The following CDKAL1 variants were observed in gnomAD, a reference collection of about 807,000 sequenced individuals.
CDKAL1 encodes CDKAL1 threonylcarbamoyladenosine tRNA methylthiotransferase.
Under a neutral mutation model 68.2 loss-of-function variants are expected in CDKAL1, and 32 were observed. That is an observed-to-expected ratio of 0.47 (90% CI 0.35 to 0.63). CDKAL1 has a LOEUF of 0.63. Among genes scored for constraint, CDKAL1 ranks in the 30% least tolerant of loss-of-function variants. The pLI is 0.00. For missense variants in CDKAL1, 606 were observed against 696.7 expected (o/e 0.87, Z 1.47); for synonymous variants, 234 against 244.3 (o/e 0.96, Z 0.39).
At chr6:20,999,652 G>A (rs1767314571) in intron 10 of CDKAL1, among the ~76,000 whole-genome samples, 1 of 102,866 alleles carries the variant, frequency 9.7e-6, no homozygotes, top group African/African-American at 4.2e-5. Context: ...CAAAAAATAT[G>A]TGACTGAAAT....
chr6:21,001,903 A>G (rs1767444910), intron 11 of CDKAL1, among the ~76,000 whole-genome samples: 2 of 152,238 alleles, frequency 1.3e-5, no homozygotes. Context: ...TTTCCCAAGT[A>G]TAAACATGCA....
At chr6:21,106,685 T>A (rs1025693599) in intron 12 of CDKAL1, among the ~76,000 whole-genome samples, 3 of 152,232 alleles carry the variant, frequency 2.0e-5, no homozygotes, top group African/African-American at 7.2e-5. Flanking sequence ...AATCTGGAGA[T>A]GACTTAAAGC....
rs1295420118 is a variant in CDKAL1, at chr6:20,649,357, CCA to C, written c.353_354del (p.His118LeufsTer2). 1 of 1,598,880 alleles carries C rather than the reference CCA, an allele frequency of 6.3e-7. No homozygotes were observed. The highest frequency in any genetic ancestry group is 1.1e-5 in the South Asian group (1 of 88,916). ...GCACTGTAAAAAACCCAGCTGAAGA[CCA>C]CTTTAGAAACTCAATTAAGTAAGTA... ...SCTVKNPAED[H>X]FRNSIKKAQE... On this transcript the variant is annotated frameshift_variant, in exon 5 of 16. Transcript: ENST00000274695. LOFTEE classifies it high-confidence loss of function.
Position 20,787,535 on chromosome 6 carries a change from G to A in CDKAL1, c.638+6270G>A, listed in dbSNP as rs752894941. ...GGCACGGTCCAGCTGTTCTTGTAAC[G>A]TTGGTGGAGTCCTCGTTGTCTCTCT... On this transcript the variant is annotated intron_variant, in intron 8 of 15. Coordinates refer to ENST00000274695, the MANE Select transcript of CDKAL1 (RefSeq NM_017774.3). Among the ~76,000 whole-genome samples the A allele has an allele frequency of 5.4e-4, 83 of 152,326 alleles. 1 individual carries two copies. Among genetic ancestry groups the A allele is most frequent in the Middle Eastern group, 3.4e-3 (1 of 294 alleles).
intron 9 of CDKAL1, among the ~76,000 whole-genome samples, chr6:20,884,918 A>C (rs913129462): frequency 6.6e-6 from 1 of 152,114 alleles, no homozygotes; most frequent in East Asian, 1.9e-4. Flanking sequence ...CTTGAGCCTG[A>C]AAGTTTGAGA....
At chr6:21,045,377 A>G (rs201325) in intron 11 of CDKAL1, among the ~76,000 whole-genome samples, 29,045 of 152,108 alleles carry the variant, frequency 0.19, 2,904 homozygotes, top group Middle Eastern at 0.23. Flanking sequence ...GACCTTGCAT[A>G]GTTTGGGACA....
At chr6:21,120,067 A>G (rs1490413804) in intron 13 of CDKAL1, among the ~76,000 whole-genome samples, 2 of 152,162 alleles carry the variant, frequency 1.3e-5, no homozygotes, top group Non-Finnish European at 2.9e-5. Flanking sequence ...ACCTCTTGCT[A>G]CCACTCTGAC....
chr6:21,037,288 G>A lies in CDKAL1; in HGVS notation c.1056-27760G>A, dbSNP rs575618385. 5.3e-5 allele frequency among the ~76,000 whole-genome samples: 8 copies of A among 152,296 alleles called. No homozygotes were observed. In the South Asian group the frequency reaches 8.3e-4, roughly 16 times the overall value. On this transcript the variant is annotated intron_variant, in intron 11 of 15. Transcript: ENST00000274695. ...ACAGCAGGGGAATATGTGATAAGAT[G>A]TGCTTGGAGCAGAATGCCTTTGCAT...
chr6:21,080,010 T>TGTGTGTGTGTGTG (rs1463270762), intron 12 of CDKAL1, among the ~76,000 whole-genome samples: 10 of 17,842 alleles, frequency 5.6e-4, no homozygotes, highest in South Asian at 3.8e-3. Flanking sequence ...GTGTGTGTGT[T>TGTGTGTGTGTGTG]TGAACCATGT....
chr6:20,705,206 C>T (rs577109349), intron 5 of CDKAL1, among the ~76,000 whole-genome samples: 5 of 152,214 alleles, frequency 3.3e-5, no homozygotes, highest in South Asian at 2.1e-4. Flanking sequence ...AACTAATTAA[C>T]GTAGGATTTG....
At chr6:20,620,692 AT>A (rs796988911) in intron 4 of CDKAL1, among the ~76,000 whole-genome samples, 17 of 146,546 alleles carry the variant, frequency 1.2e-4, no homozygotes, top group Non-Finnish European at 1.2e-4. Flanking sequence ...CTAACACCGA[AT>A]TTTTTTTTTT....
chr6:20,538,596 T>C (rs754491455), intron 2 of CDKAL1, among the ~76,000 whole-genome samples: 5 of 152,236 alleles, frequency 3.3e-5, no homozygotes, highest in Non-Finnish European at 7.3e-5. Context: ...TACACACTTG[T>C]ATATGGGATG....
At chr6:20,762,406 G>A (rs1438561907) in intron 7 of CDKAL1, among the ~76,000 whole-genome samples, 2 of 152,188 alleles carry the variant, frequency 1.3e-5, no homozygotes, top group African/African-American at 4.8e-5. Flanking sequence ...GAATAATTTT[G>A]ATAGCTTTCC....
At chr6:20,961,953 C>T (rs1331894284) in intron 10 of CDKAL1, among the ~76,000 whole-genome samples, 3 of 152,062 alleles carry the variant, frequency 2.0e-5, no homozygotes, top group African/African-American at 7.2e-5. Context: ...TCTGGTCCTC[C>T]CTCTGTCATG....
intron 12 of CDKAL1, among the ~76,000 whole-genome samples, chr6:21,098,113 T>G (rs1258763802): frequency 6.6e-6 from 1 of 152,204 alleles, no homozygotes; most frequent in Non-Finnish European, 1.5e-5. Context: ...GGGCACACAG[T>G]AAATGTGTCG....
chr6:21,208,065 C>A (rs1470478517), intron 15 of CDKAL1, among the ~76,000 whole-genome samples: 1 of 151,714 alleles, frequency 6.6e-6, no homozygotes, highest in African/African-American at 2.4e-5. Flanking sequence ...CCTGGACTTA[C>A]CATTCTCTTT....
chr6:21,119,264 C>T (rs1352392072), intron 13 of CDKAL1, among the ~76,000 whole-genome samples: 1 of 152,188 alleles, frequency 6.6e-6, no homozygotes, highest in Non-Finnish European at 1.5e-5. Flanking sequence ...CAATGGAAAG[C>T]ATCTAGAATA....
intron 15 of CDKAL1, among the ~76,000 whole-genome samples, chr6:21,223,252 T>C (rs1356912055): frequency 6.6e-6 from 1 of 152,216 alleles, no homozygotes; most frequent in Admixed American, 6.5e-5. Flanking sequence ...GAAGTGTTGC[T>C]GTGGGGCTGT....
intron 11 of CDKAL1, among the ~76,000 whole-genome samples, chr6:21,002,121 G>A (rs6914677): frequency 0.6 from 90,940 of 151,962 alleles, 27,481 homozygotes; most frequent in East Asian, 0.84. Context: ...TTCCATCTTG[G>A]ACAGTTCCAA....
Sources: allele counts gnomAD v4.1 joint callset (sites outside exome capture counted in the v4.1 genomes callset), GRCh38; gene constraint gnomAD v4.1.1; transcripts MANE v1.5; gene names NCBI Gene and HGNC (gene_info 2026-07-23, HGNC 2026-07-21).